Variants in VPS36 observed in about 807,000 individuals in gnomAD.
VPS36 encodes the protein vacuolar protein sorting 36 homolog.
In VPS36, 31 loss-of-function variants were observed where a neutral mutation model predicts 63.5. That is an observed-to-expected ratio of 0.49 (90% CI 0.37 to 0.66). The LOEUF (loss-of-function observed/expected upper bound fraction) is 0.66. Among genes scored for constraint, VPS36 ranks in the 30% least tolerant of loss-of-function variants. The pLI, the probability that VPS36 is intolerant of heterozygous loss-of-function variation, is 0.00. For synonymous variants in VPS36, 138 were observed against 157.2 expected (o/e 0.88, Z 0.91); for missense variants, 338 against 463.7 (o/e 0.73, Z 2.49).
At chr13:52,424,562 G>T (rs4886077) in intron 9 of VPS36, among the ~76,000 whole-genome samples, 87,545 of 151,978 alleles carry the variant, frequency 0.58, 25,666 homozygotes, top group Middle Eastern at 0.69. Flanking sequence ...GGAAACACAC[G>T]GTGGGGTGGG....
chr13:52,432,081 G>A (rs183182811), intron 6 of VPS36, among the ~76,000 whole-genome samples: 255 of 152,290 alleles, frequency 1.7e-3, no homozygotes, highest in African/African-American at 5.9e-3. Context: ...GGCTGGGCGC[G>A]GTGGCACATG....
Position 52,439,183 on chromosome 13 carries a change from A to G in VPS36, c.166-15T>C. 2 of 1,611,572 alleles carry G rather than the reference A, an allele frequency of 1.2e-6. No homozygotes were observed. Among genetic ancestry groups the G allele is most frequent in the Non-Finnish European group, 8.5e-7 (1 of 1,178,490 alleles). ...ATGCAACACTCCTAGGAGGAAATCA[A>G]TAGCTTAAATGAAAGACTCTAAACA... On this transcript the variant is annotated splice_polypyrimidine_tract_variant and intron_variant, in intron 2 of 13. Coordinates refer to ENST00000378060, the MANE Select transcript of VPS36 (RefSeq NM_016075.4).
chr13:52,430,448 T>C (rs557139623), intron 6 of VPS36, among the ~76,000 whole-genome samples: 1 of 152,164 alleles, frequency 6.6e-6, no homozygotes, highest in South Asian at 2.1e-4. Context: ...CTTGCCAATA[T>C]GGTGAAACCC....
chr13:52,415,946 C>G (rs749746157), intron 13 of VPS36, 23 bp from the exon 14 acceptor site: 1 of 1,612,656 alleles, frequency 6.2e-7, no homozygotes, highest in Non-Finnish European at 8.5e-7. Context: ...AACAAAAAAA[C>G]CCCCACACAA....
chr13:52,414,853 A>G lies in VPS36; in HGVS notation c.*977T>C, dbSNP rs1043758424. 6.6e-6 allele frequency: 1 copy of G among 152,246 alleles called. No homozygotes were observed. Among genetic ancestry groups the G allele is most frequent in the African/African-American group, 2.4e-5 (1 of 41,462 alleles). 9.4% of individuals were successfully genotyped at this position (152,246 alleles called of 1,614,324 possible). ...ACCTAAGCAATCTACATGCAGTATT[A>G]GCCAGTTGTTGTTATCTCAGTAACA... is the stretch of plus-strand genomic sequence containing the variant. On this transcript the variant is annotated 3_prime_UTR_variant, in exon 14 of 14. Transcript: ENST00000378060.
chr13:52,448,469 G>A (rs1376925703), intron 1 of VPS36, among the ~76,000 whole-genome samples: 2 of 152,226 alleles, frequency 1.3e-5, no homozygotes, highest in Non-Finnish European at 2.9e-5. Flanking sequence ...TTGGGGCACA[G>A]TGGTAAGGAG....
intron 1 of VPS36, among the ~76,000 whole-genome samples, chr13:52,447,158 T>G (rs1958352279): frequency 6.6e-6 from 1 of 152,116 alleles, no homozygotes; most frequent in Admixed American, 6.6e-5. Flanking sequence ...ATTACAGGCA[T>G]GAGCCACCAC....
chr13:52,445,847 GGA>G (rs1434322223), intron 1 of VPS36, among the ~76,000 whole-genome samples: 1 of 141,196 alleles, frequency 7.1e-6, no homozygotes, highest in Non-Finnish European at 1.5e-5. Flanking sequence ...GGCGGAGGCA[GGA>G]GAATGGCGTG....
rs1052098629 is a variant in VPS36 at position 52,448,888 on chromosome 13, C to G, written c.96+1611G>C. Among the ~76,000 whole-genome samples, 4 of 152,154 alleles carry G rather than the reference C, an allele frequency of 2.6e-5. No homozygotes were observed. The South Asian group carries it at 6.2e-4, about 24-fold the overall frequency. On this transcript the variant is annotated intron_variant, in intron 1 of 13. Coordinates refer to ENST00000378060, the MANE Select transcript of VPS36 (RefSeq NM_016075.4). ...CTAACACTGTCAACATTCGGTTCCT[C>G]TCAAAGGGGAGGCAAAATCAAAACA... is the stretch of plus-strand genomic sequence containing the variant.
chr13:52,419,838 T>C (rs1439455366), intron 10 of VPS36, among the ~76,000 whole-genome samples: 1 of 152,122 alleles, frequency 6.6e-6, no homozygotes, highest in Non-Finnish European at 1.5e-5. Context: ...GTTAAAAAAA[T>C]TGATTTCATG....
Position 52,439,148 on chromosome 13 carries a change from G to A in VPS36, c.186C>T (p.Leu62=). The A allele has an allele frequency of 6.2e-7, 1 of 1,613,796 alleles. No homozygotes were observed. Among genetic ancestry groups the A allele is most frequent in the African/African-American group, 1.3e-5 (1 of 75,030 alleles). The change falls in exon 3 of 14, where the codon CTC becomes CTT. Residue 62 remains leucine (L), a synonymous_variant. Coordinates refer to ENST00000378060, the MANE Select transcript of VPS36 (RefSeq NM_016075.4). ...CTTCAATGAACACAATTTGGGAAAG[G>A]AGAATGGCCATGCAACACTCCTAGG... ...QKNHECCMAI[L]LSQIVFIEEQ... is the part of the protein sequence containing the mutation.
intron 2 of VPS36, among the ~76,000 whole-genome samples, chr13:52,441,493 C>A (rs1420441844): frequency 1.3e-5 from 2 of 152,224 alleles, no homozygotes; most frequent in African/African-American, 4.8e-5. Context: ...TGGCTCACGA[C>A]TGTGATCCCA....
intron 2 of VPS36, among the ~76,000 whole-genome samples, chr13:52,441,518 C>T (rs1345543264): frequency 6.6e-6 from 1 of 152,002 alleles, no homozygotes; most frequent in Non-Finnish European, 1.5e-5. Flanking sequence ...TTTGGGAGGC[C>T]GAGGTGGGCA....
At chr13:52,422,166 T>C (rs939529800) in intron 10 of VPS36, among the ~76,000 whole-genome samples, 7 of 152,160 alleles carry the variant, frequency 4.6e-5, no homozygotes, top group African/African-American at 1.7e-4. Context: ...ATTCTCTACC[T>C]CCATGAGATT....
intron 10 of VPS36, among the ~76,000 whole-genome samples, chr13:52,420,710 G>A (rs1958037610): frequency 6.6e-6 from 1 of 152,184 alleles, no homozygotes; most frequent in Non-Finnish European, 1.5e-5. Context: ...CACTGGAGGT[G>A]ACAGACCCCC....
chr13:52,417,007 C>T (rs372582327), intron 12 of VPS36, 50 bp downstream of exon 12: 10 of 1,513,884 alleles, frequency 6.6e-6, no homozygotes, highest in Middle Eastern at 1.7e-4. Flanking sequence ...GCTAAGCCTT[C>T]GGGTCTTCAT....
intron 6 of VPS36, chr13:52,429,189 C>T: frequency 1.1e-6 from 1 of 909,982 alleles, no homozygotes; most frequent in Non-Finnish European, 1.3e-6. Context: ...TGTTTTAAAA[C>T]CAGGAGTACC....
At chr13:52,441,808 T>C (rs576358691) in intron 2 of VPS36, among the ~76,000 whole-genome samples, 1 of 152,228 alleles carries the variant, frequency 6.6e-6, no homozygotes, top group South Asian at 2.1e-4. Flanking sequence ...TAGAGACAGA[T>C]CTCATTATCT....
chr13:52,437,852 C>T (rs1376278152), intron 3 of VPS36, among the ~76,000 whole-genome samples: 1 of 151,934 alleles, frequency 6.6e-6, no homozygotes, highest in Admixed American at 6.6e-5. Context: ...ATGGCGTGAA[C>T]CTGGGAGGCG....
Sources: gnomAD v4.1 joint callset for allele counts (sites outside exome capture counted in the v4.1 genomes callset) on GRCh38, gnomAD v4.1.1 for gene constraint, MANE v1.5 for transcripts, NCBI Gene and HGNC (gene_info 2026-07-23, HGNC 2026-07-21) for gene names.